The following TRPC4 variants were observed in gnomAD, a reference collection of about 807,000 sequenced individuals.
TRPC4 encodes short transient receptor potential channel 4.
TRPC4 carries 49 observed loss-of-function variants against 99.4 expected under a neutral mutation model. That is an observed-to-expected ratio of 0.49 (90% confidence interval 0.39 to 0.63). The LOEUF is 0.63. Ranked by LOEUF, TRPC4 falls within the 20% of genes least tolerant of loss-of-function variation. The probability of loss-of-function intolerance (pLI) is 0.00; values close to 1 mark genes in which losing one functional copy is unlikely to be tolerated. For missense variants in TRPC4, 898 were observed against 1,152.9 expected, an observed-to-expected ratio of 0.78 and a Z score of 3.20; for synonymous variants, 454 against 425.9, an observed-to-expected ratio of 1.07 and a Z score of -0.81.
intron 5 of TRPC4, among the ~76,000 whole-genome samples, chr13:37,667,518 G>T (rs539281874): frequency 2.1e-4 from 32 of 152,278 alleles, no homozygotes; most frequent in African/African-American, 7.5e-4. Context: ...CAATTGGCCA[G>T]GCTGGTCTTG....
intron 1 of TRPC4, among the ~76,000 whole-genome samples, chr13:37,813,846 G>T (rs1206899703): frequency 6.6e-6 from 1 of 151,416 alleles, no homozygotes; most frequent in East Asian, 1.9e-4. Context: ...TTCTATGAAG[G>T]CAGAATTATC....
intron 3 of TRPC4, among the ~76,000 whole-genome samples, chr13:37,718,712 A>T (rs1045470430): frequency 2.0e-5 from 3 of 152,152 alleles, no homozygotes; most frequent in African/African-American, 7.2e-5. Context: ...ACACAAATCA[A>T]GAGAAATTAT....
At chr13:37,649,593 G>T (rs1411123401) in intron 8 of TRPC4, among the ~76,000 whole-genome samples, 1 of 151,892 alleles carries the variant, frequency 6.6e-6, no homozygotes, top group Non-Finnish European at 1.5e-5. Context: ...AATTAGCCGA[G>T]AGTGGTGGCA....
intron 10 of TRPC4, among the ~76,000 whole-genome samples, chr13:37,638,061 G>T (rs1421944537): frequency 6.6e-6 from 1 of 152,124 alleles, no homozygotes; most frequent in Non-Finnish European, 1.5e-5. Flanking sequence ...TTAAGAGTTG[G>T]TAGTTACTTG....
chr13:37,746,716 A>G (rs901610138), intron 2 of TRPC4, among the ~76,000 whole-genome samples: 3 of 151,990 alleles, frequency 2.0e-5, no homozygotes, highest in Non-Finnish European at 2.9e-5. Context: ...GTGGTTATGG[A>G]AACTCTTTAC....
chr13:37,689,781 C>T (rs1269953026), intron 4 of TRPC4, among the ~76,000 whole-genome samples: 2 of 152,256 alleles, frequency 1.3e-5, no homozygotes, highest in African/African-American at 4.8e-5. Context: ...GAAGGTTGGA[C>T]CTCCTATTTT....
rs549782089 is a variant in TRPC4, at chr13:37,671,922, T to C, written c.1374+2306A>G. Among the ~76,000 whole-genome samples the C allele has an allele frequency of 3.3e-5, 5 of 152,340 alleles. No individual in the cohort carries two copies. The East Asian group carries it at 7.7e-4, about 24-fold the overall frequency. On this transcript the variant is annotated intron_variant, in intron 5 of 10. Transcript: ENST00000379705. ...CCTATGACCATATATTAACAAACTA[T>C]GTATTTTTTGAAGACTTCACATTCC... is the stretch of plus-strand genomic sequence containing the variant.
At chr13:37,756,136 A>C (rs1956090180) in intron 2 of TRPC4, among the ~76,000 whole-genome samples, 1 of 152,172 alleles carries the variant, frequency 6.6e-6, no homozygotes, top group Admixed American at 6.5e-5. Flanking sequence ...TTTAGAACCT[A>C]AATTTATATA....
chr13:37,638,933 G>T, intron 10 of TRPC4, 107 bp downstream of exon 10: 5 of 1,161,182 alleles, frequency 4.3e-6, no homozygotes, highest in South Asian at 4.0e-5. Flanking sequence ...AGCCACACAG[G>T]CTTGCTGGAA....
At chr13:37,847,037 C>G (rs2139662176) in intron 1 of TRPC4, among the ~76,000 whole-genome samples, 1 of 151,998 alleles carries the variant, frequency 6.6e-6, no homozygotes, top group Non-Finnish European at 1.5e-5. Context: ...CACCCAACAT[C>G]TGAGAACATA....
intron 1 of TRPC4, among the ~76,000 whole-genome samples, chr13:37,859,083 A>C (rs539418278): frequency 6.6e-6 from 1 of 151,696 alleles, no homozygotes; most frequent in Admixed American, 6.6e-5. Flanking sequence ...AAAAATTAAA[A>C]ATAAAAAATA....
At chr13:37,793,082 G>A (rs530412202) in intron 1 of TRPC4, among the ~76,000 whole-genome samples, 2 of 152,126 alleles carry the variant, frequency 1.3e-5, no homozygotes, top group East Asian at 1.9e-4. Context: ...AATAAGTGAC[G>A]TTGAGACGTC....
At chr13:37,818,887 A>C (rs1277967123) in intron 1 of TRPC4, among the ~76,000 whole-genome samples, 1 of 152,028 alleles carries the variant, frequency 6.6e-6, no homozygotes, top group Non-Finnish European at 1.5e-5. Flanking sequence ...CCACCATGGC[A>C]CGCGTATACC....
At chr13:37,825,739 T>G (rs1593267300) in intron 1 of TRPC4, among the ~76,000 whole-genome samples, 1 of 149,858 alleles carries the variant, frequency 6.7e-6, no homozygotes, top group African/African-American at 2.5e-5. Flanking sequence ...CTGAAAAAAA[T>G]GTATATTCTG....
At chr13:37,787,049 A>G (rs541009911) in intron 1 of TRPC4, among the ~76,000 whole-genome samples, 1 of 152,044 alleles carries the variant, frequency 6.6e-6, no homozygotes, top group Admixed American at 6.6e-5. Context: ...TTAGATATTT[A>G]TATGTATCTG....
At chr13:37,832,495 T>C (rs1242619418) in intron 1 of TRPC4, among the ~76,000 whole-genome samples, 1 of 152,062 alleles carries the variant, frequency 6.6e-6, no homozygotes, top group Non-Finnish European at 1.5e-5. Context: ...GCTGAGATCA[T>C]GCCACTGCAC....
At chr13:37,657,657 T>C (rs538840289) in intron 6 of TRPC4, among the ~76,000 whole-genome samples, 2 of 152,138 alleles carry the variant, frequency 1.3e-5, no homozygotes, top group Non-Finnish European at 2.9e-5. Flanking sequence ...ATAAACCCCA[T>C]TACAGGTTCT....
At chr13:37,816,139 C>T (rs898984899) in intron 1 of TRPC4, among the ~76,000 whole-genome samples, 3 of 151,678 alleles carry the variant, frequency 2.0e-5, no homozygotes, top group Non-Finnish European at 4.4e-5. Context: ...ACTAAAAGCA[C>T]ACATCAAAAC....
chr13:37,866,747 G>A (rs1294529422), intron 1 of TRPC4, among the ~76,000 whole-genome samples: 1 of 148,316 alleles, frequency 6.7e-6, no homozygotes, highest in Admixed American at 6.9e-5. Context: ...AACATGAGTA[G>A]TGAGATAGTT....
Sources: gnomAD v4.1 joint callset for allele counts (sites outside exome capture counted in the v4.1 genomes callset) on GRCh38, gnomAD v4.1.1 for gene constraint, MANE v1.5 for transcripts, NCBI Gene and HGNC (gene_info 2026-07-23, HGNC 2026-07-21) for gene names.